The following CYB5A variants were observed in gnomAD, a reference collection of about 807,000 sequenced individuals.
CYB5A encodes the protein cytochrome b5 type A, also known as cytochrome b5.
Under a neutral mutation model 16.2 loss-of-function variants are expected in CYB5A, and 10 were observed. That is an observed-to-expected ratio of 0.62 (90% CI 0.38 to 1.04). CYB5A has a LOEUF of 1.04. Among genes scored for constraint, CYB5A ranks in the 50% least tolerant of loss-of-function variants. The pLI, the probability that CYB5A is intolerant of heterozygous loss-of-function variation, is 0.01. For synonymous variants in CYB5A, 62 were observed against 57.0 expected (o/e 1.09, Z -0.40); for missense variants, 161 against 165.9 (o/e 0.97, Z 0.16).
intron 2 of CYB5A, among the ~76,000 whole-genome samples, chr18:74,261,914 G>A (rs919919366): frequency 6.6e-5 from 10 of 152,148 alleles, no homozygotes; most frequent in South Asian, 2.1e-4. Context: ...CCCTTCTGGC[G>A]GGCTGCTAAC....
intron 1 of CYB5A, among the ~76,000 whole-genome samples, chr18:74,273,359 G>A (rs1366802013): frequency 6.6e-6 from 1 of 152,164 alleles, no homozygotes; most frequent in African/African-American, 2.4e-5. Context: ...AAATAAAAGA[G>A]TTTAAAAAGG....
At chr18:74,268,525 G>T (rs1031549751) in intron 1 of CYB5A, among the ~76,000 whole-genome samples, 1 of 152,130 alleles carries the variant, frequency 6.6e-6, no homozygotes, top group Non-Finnish European at 1.5e-5. Context: ...GGGAGGTAAC[G>T]CGATCAGATT....
intron 1 of CYB5A, among the ~76,000 whole-genome samples, chr18:74,274,420 C>A (rs1421697122): frequency 4.6e-5 from 7 of 152,088 alleles, no homozygotes; most frequent in Admixed American, 1.3e-4. Context: ...TAAAAACTGG[C>A]AAGATAAAAT....
Position 74,252,246 on chromosome 18 carries a change from C to A in CYB5A, c.*1338G>T, listed in dbSNP as rs1199027142. 1 of 152,240 alleles carries A rather than the reference C, an allele frequency of 6.6e-6. No individual in the cohort carries two copies. Among genetic ancestry groups the A allele is most frequent in the Non-Finnish European group, 1.5e-5 (1 of 68,040 alleles). 9.4% of individuals were successfully genotyped at this position (152,240 alleles called of 1,614,324 possible). On this transcript the variant is annotated 3_prime_UTR_variant, in exon 5 of 5. Transcript: ENST00000340533. ...TTGTCAGCTCATGCCAGTGCAAATG[C>A]AGTCACAGCCAATGACACATGTACT...
At chr18:74,266,846 A>AC (rs1292020887) in intron 1 of CYB5A, among the ~76,000 whole-genome samples, 1 of 76,514 alleles carries the variant, frequency 1.3e-5, no homozygotes, top group East Asian at 7.3e-4. Flanking sequence ...CTAAAAAAAA[A>AC]AAAAACATAG....
intron 1 of CYB5A, among the ~76,000 whole-genome samples, chr18:74,278,819 A>C (rs1790897): frequency 6.6e-6 from 1 of 152,216 alleles, no homozygotes; most frequent in Non-Finnish European, 1.5e-5. Context: ...GAATTAGTAA[A>C]TGTTTGGTCT....
intron 1 of CYB5A, among the ~76,000 whole-genome samples, chr18:74,278,053 T>A (rs1982949791): frequency 6.6e-6 from 1 of 152,234 alleles, no homozygotes; most frequent in Non-Finnish European, 1.5e-5. Context: ...TAATAAATGC[T>A]CACTGTGTAT....
At chr18:74,291,437 T>C (rs1472986429) in intron 1 of CYB5A, among the ~76,000 whole-genome samples, 1 of 124,736 alleles carries the variant, frequency 8.0e-6, no homozygotes, top group South Asian at 2.8e-4. Flanking sequence ...TCCCCAGGTG[T>C]GCACGCGCAG....
At chr18:74,268,868 G>A (rs1365468681) in intron 1 of CYB5A, among the ~76,000 whole-genome samples, 1 of 152,142 alleles carries the variant, frequency 6.6e-6, no homozygotes, top group African/African-American at 2.4e-5. Flanking sequence ...ATATCTTGTA[G>A]CTCCTAATGC....
intron 1 of CYB5A, among the ~76,000 whole-genome samples, chr18:74,268,186 G>A (rs1275460327): frequency 6.6e-6 from 1 of 152,216 alleles, no homozygotes; most frequent in Non-Finnish European, 1.5e-5. Context: ...CTATGACCAT[G>A]CCACTGCAAG....
chr18:74,263,250 C>A, intron 2 of CYB5A, 99 bp downstream of exon 2: 9 of 1,461,070 alleles, frequency 6.2e-6, no homozygotes, highest in East Asian at 2.5e-5. Context: ...TTTTGCTTTA[C>A]TCCTTTTAAA....
At chr18:74,259,965 C>T (rs1982134557) in intron 3 of CYB5A, 1 of 152,020 alleles carries the variant, frequency 6.6e-6, no homozygotes. Context: ...TTGCTTTGTA[C>T]TAAATAGTAT....
chr18:74,261,320 G>A (rs1201744963), intron 2 of CYB5A: 14 of 289,584 alleles, frequency 4.8e-5, no homozygotes, highest in South Asian at 2.9e-4. Context: ...TATCTCTTAC[G>A]TGTATGATAT....
intron 1 of CYB5A, among the ~76,000 whole-genome samples, chr18:74,275,731 G>A (rs1305616301): frequency 6.6e-6 from 1 of 152,130 alleles, no homozygotes. Flanking sequence ...AGGGGCATCC[G>A]AATTGTTGCC....
At chr18:74,263,764 T>C (rs1982312807) in intron 1 of CYB5A, among the ~76,000 whole-genome samples, 1 of 152,124 alleles carries the variant, frequency 6.6e-6, no homozygotes, top group East Asian at 1.9e-4. Context: ...TTTAAAAAAT[T>C]AGCTGGGCAC....
chr18:74,255,800 A>C (rs764071923), intron 3 of CYB5A, 25 bp from the exon 4 acceptor site: 1 of 1,576,546 alleles, frequency 6.3e-7, no homozygotes, highest in Non-Finnish European at 8.7e-7. Flanking sequence ...GAAAAAGTAA[A>C]GTAAGTTCAA....
At chr18:74,267,048 G>A (rs1264528135) in intron 1 of CYB5A, among the ~76,000 whole-genome samples, 1 of 152,188 alleles carries the variant, frequency 6.6e-6, no homozygotes. Context: ...ATTACGGAGA[G>A]AGAGAGAGAG....
At chr18:74,290,103 C>T (rs1317296716) in intron 1 of CYB5A, among the ~76,000 whole-genome samples, 2 of 152,030 alleles carry the variant, frequency 1.3e-5, no homozygotes, top group African/African-American at 4.8e-5. Context: ...GATCTGCAGC[C>T]GGGCAGGAGG....
At chr18:74,272,562 G>A (rs1274599501) in intron 1 of CYB5A, among the ~76,000 whole-genome samples, 1 of 152,190 alleles carries the variant, frequency 6.6e-6, no homozygotes, top group African/African-American at 2.4e-5. Context: ...TCTGGATAAT[G>A]ACAAGGCAAA....
Sources: allele counts gnomAD v4.1 joint callset (sites outside exome capture counted in the v4.1 genomes callset), GRCh38; gene constraint gnomAD v4.1.1; transcripts MANE v1.5; gene names NCBI Gene and HGNC (gene_info 2026-07-23, HGNC 2026-07-21).